The following CACNA1E variants were observed in gnomAD, a reference collection of about 807,000 sequenced individuals.
CACNA1E encodes the protein voltage-dependent R-type calcium channel subunit alpha-1E.
A neutral mutation model predicts 259.2 loss-of-function variants in CACNA1E; 40 were observed. The observed-to-expected ratio is 0.15, with a 90% CI of 0.12 to 0.20. The LOEUF (loss-of-function observed/expected upper bound fraction) is 0.20. CACNA1E is among the 10% of genes least tolerant of loss of function. The probability of loss-of-function intolerance (pLI) is 1.00; values close to 1 mark genes in which losing one functional copy is unlikely to be tolerated. For synonymous variants in CACNA1E, 1,104 were observed against 1,138.5 expected, an observed-to-expected ratio of 0.97 and a Z score of 0.61; for missense variants, 1,874 against 3,040.1, an observed-to-expected ratio of 0.62 and a Z score of 9.02.
chr1:181,468,018 G>GAC (rs1443358612), intron 2 of CACNA1E, among the ~76,000 whole-genome samples: 7 of 152,168 alleles, frequency 4.6e-5, no homozygotes, highest in Middle Eastern at 6.3e-3. Flanking sequence ...CTGAGCTTAA[G>GAC]ACACCCTTCT....
rs529948835 is a variant in CACNA1E at position 181,698,576 on chromosome 1, C to A, written c.1056-12378C>A. ...ATTTTTACAATACCACAGGTTTAAT[C>A]GTCTTTCATGGCATTTTGTCACTGT... On this transcript the variant is annotated intron_variant, in intron 7 of 47. Coordinates refer to ENST00000367573, the MANE Select transcript of CACNA1E (RefSeq NM_001205293.3). Among the ~76,000 whole-genome samples the A allele has an allele frequency of 5.3e-5, 8 of 152,180 alleles. No homozygotes were observed. The South Asian group carries it at 1.0e-3, about 20-fold the overall frequency.
intron 43 of CACNA1E, 55 bp from the exon 44 acceptor site, chr1:181,790,390 A>ATTT: frequency 8.7e-7 from 1 of 1,145,970 alleles, no homozygotes; most frequent in Admixed American, 1.7e-5. Flanking sequence ...TGGGGTGGGA[A>ATTT]TTGCTAGTGG....
intron 46 of CACNA1E, among the ~76,000 whole-genome samples, chr1:181,795,292 C>T (rs906849196): frequency 2.0e-5 from 3 of 152,158 alleles, no homozygotes; most frequent in African/African-American, 7.2e-5. Flanking sequence ...CTATACAAAT[C>T]ATTAGAATTG....
At chr1:181,666,743 A>G (rs1648273211) in intron 7 of CACNA1E, among the ~76,000 whole-genome samples, 1 of 151,896 alleles carries the variant, frequency 6.6e-6, no homozygotes, top group Non-Finnish European at 1.5e-5. Context: ...CACGACATAT[A>G]TTGTGTATGT....
chr1:181,497,105 A>T (rs1198063070), intron 1 of CACNA1E, among the ~76,000 whole-genome samples: 1 of 152,256 alleles, frequency 6.6e-6, no homozygotes, highest in Admixed American at 6.5e-5. Context: ...TGAGATCACC[A>T]TCTGCCCCAC....
intron 2 of CACNA1E, among the ~76,000 whole-genome samples, chr1:181,458,107 C>T (rs1158013633): frequency 6.6e-6 from 1 of 152,240 alleles, no homozygotes; most frequent in African/African-American, 2.4e-5. Flanking sequence ...AAGTCTATTC[C>T]TGTTCTTCAA....
chr1:181,785,877 T>G, intron 43 of CACNA1E, 58 bp downstream of exon 43: 2 of 1,116,828 alleles, frequency 1.8e-6, no homozygotes, highest in Non-Finnish European at 2.7e-6. Flanking sequence ...CCCATGCTGT[T>G]GTGCAGACCC....
intron 1 of CACNA1E, among the ~76,000 whole-genome samples, chr1:181,364,740 A>G (rs898444783): frequency 6.6e-6 from 1 of 152,154 alleles, no homozygotes; most frequent in Non-Finnish European, 1.5e-5. Context: ...TATACAATAC[A>G]GTGTGGTTCT....
intron 6 of CACNA1E, among the ~76,000 whole-genome samples, chr1:181,631,391 AT>A (rs35402972): frequency 0.78 from 118,182 of 152,106 alleles, 46,708 homozygotes; most frequent in East Asian, 0.94. Flanking sequence ...TTGCCTGTAT[AT>A]CATCTGCTAT....
At chr1:181,466,020 T>C (rs1361956790) in intron 2 of CACNA1E, among the ~76,000 whole-genome samples, 2 of 152,076 alleles carry the variant, frequency 1.3e-5, no homozygotes, top group Non-Finnish European at 2.9e-5. Flanking sequence ...CATAAATCCA[T>C]GTCACACACA....
chr1:181,662,832 C>G (rs926098670), intron 7 of CACNA1E, among the ~76,000 whole-genome samples: 4 of 152,200 alleles, frequency 2.6e-5, no homozygotes, highest in Non-Finnish European at 5.9e-5. Context: ...CAGGGAACAG[C>G]AAAGACAGAC....
intron 6 of CACNA1E, among the ~76,000 whole-genome samples, chr1:181,626,488 AG>A (rs1656214881): frequency 6.6e-6 from 1 of 152,204 alleles, no homozygotes. Context: ...AGCCTCTCTC[AG>A]GGCCTTTCAC....
chr1:181,625,543 C>T (rs140036442), intron 6 of CACNA1E, among the ~76,000 whole-genome samples: 1 of 152,262 alleles, frequency 6.6e-6, no homozygotes, highest in East Asian at 1.9e-4. Context: ...CCTCGTGGAC[C>T]AAGCTCTGCT....
intron 2 of CACNA1E, among the ~76,000 whole-genome samples, chr1:181,457,658 G>GTGCA (rs1323920341): frequency 2.0e-5 from 3 of 152,218 alleles, no homozygotes. Context: ...TGCAGGGAAT[G>GTGCA]TGCATAGGGG....
rs144487866 is a variant in CACNA1E, at chr1:181,473,242, GCTAA to G, written c.435-10499_435-10496del. 2.6e-3 allele frequency among the ~76,000 whole-genome samples: 393 copies of G among 152,260 alleles called. 4 individuals carry two copies. Among genetic ancestry groups the G allele is most frequent in the African/African-American group, 8.8e-3 (364 of 41,540 alleles). Reference sequence around the variant, plus strand: ...GTTTGGCTGATACCTTTTGCAGATAGCTAACTGAGGCTGGCCTACCAGGGAGCTC... The same window carrying G: ...GTTTGGCTGATACCTTTTGCAGATAGCTGAGGCTGGCCTACCAGGGAGCTC... On this transcript the variant is annotated intron_variant, in intron 2 of 11. Transcript: ENST00000524607.
At chr1:181,610,266 A>AT (rs1654632702) in intron 6 of CACNA1E, among the ~76,000 whole-genome samples, 1 of 152,236 alleles carries the variant, frequency 6.6e-6, no homozygotes, top group East Asian at 1.9e-4. Flanking sequence ...CAATTAGATA[A>AT]TTTTTCCAGC....
At chr1:181,374,708 C>G (rs1204212215) in intron 1 of CACNA1E, among the ~76,000 whole-genome samples, 1 of 152,074 alleles carries the variant, frequency 6.6e-6, no homozygotes, top group East Asian at 1.9e-4. Flanking sequence ...CTCAAGTGAT[C>G]CTCCTACCTC....
At chr1:181,641,703 GT>G (rs751082929) in intron 6 of CACNA1E, among the ~76,000 whole-genome samples, 6 of 81,124 alleles carry the variant, frequency 7.4e-5, no homozygotes, top group African/African-American at 2.6e-4. Context: ...CTAATTTTTT[GT>G]TTTTTTTTTT....
At chr1:181,477,076 C>T (rs998901314) in intron 2 of CACNA1E, among the ~76,000 whole-genome samples, 4 of 152,254 alleles carry the variant, frequency 2.6e-5, no homozygotes, top group South Asian at 2.1e-4. Context: ...CTATAATCTT[C>T]GTGATCCTAG....
Sources: allele counts gnomAD v4.1 joint callset (sites outside exome capture counted in the v4.1 genomes callset), GRCh38; gene constraint gnomAD v4.1.1; transcripts MANE v1.5; gene names NCBI Gene and HGNC (gene_info 2026-07-23, HGNC 2026-07-21).